The following ATP6V1C2 variants were observed in gnomAD, a reference collection of about 807,000 sequenced individuals.
The protein encoded by ATP6V1C2 is ATPase H+ transporting V1 subunit C2.
A neutral mutation model predicts 56.8 loss-of-function variants in ATP6V1C2; 45 were observed. The ratio of observed to expected loss-of-function variants is 0.79; its 90% confidence interval spans 0.62 to 1.02. The LOEUF (loss-of-function observed/expected upper bound fraction) is 1.02, where lower values mean the gene tolerates loss of function less well. ATP6V1C2 is among the 50% of genes least tolerant of loss of function. The probability of loss-of-function intolerance (pLI) is 0.00; values close to 1 mark genes in which losing one functional copy is unlikely to be tolerated. For synonymous variants in ATP6V1C2, 220 were observed against 201.3 expected, an observed-to-expected ratio of 1.09 and a Z score of -0.79; for missense variants, 463 against 519.7, an observed-to-expected ratio of 0.89 and a Z score of 1.06.
Position 10,782,327 on chromosome 2 carries a change from C to T in ATP6V1C2, c.1146C>T (p.Asn382=). The T allele has an allele frequency of 6.2e-7, 1 of 1,614,232 alleles. No individual in the cohort carries two copies. The highest frequency in any genetic ancestry group is 1.1e-5 in the South Asian group (1 of 91,090). Residue 382 remains asparagine (N), a synonymous_variant, in exon 13 of 14, where the codon AAC becomes AAT. Coordinates refer to ENST00000272238, the MANE Select transcript of ATP6V1C2 (RefSeq NM_001039362.2). ...CCAAGCGTTTAAGAGAGGTTCTAAA[C>T]TCTGTCTTCCGACATCTGGATGAAG... The part of the protein sequence containing the change: ...SSTKRLREVL[N]SVFRHLDEVA...
intron 6 of ATP6V1C2, among the ~76,000 whole-genome samples, chr2:10,769,299 A>G (rs1222416765): frequency 6.6e-6 from 1 of 152,236 alleles, no homozygotes; most frequent in African/African-American, 2.4e-5. Flanking sequence ...CTCCACAGAC[A>G]GAACAGTCAC....
chr2:10,727,283 T>A (rs928518136), intron 3 of ATP6V1C2, among the ~76,000 whole-genome samples: 16 of 151,604 alleles, frequency 1.1e-4, no homozygotes, highest in African/African-American at 3.9e-4. Flanking sequence ...TGTTCCAGGC[T>A]AGTTTCGAAG....
intron 4 of ATP6V1C2, among the ~76,000 whole-genome samples, chr2:10,762,463 T>A (rs1279853458): frequency 6.6e-6 from 1 of 152,126 alleles, no homozygotes; most frequent in African/African-American, 2.4e-5. Flanking sequence ...TTAAATGGAA[T>A]AATTCATGTG....
In ATP6V1C2 at chr2:10,772,600, C is replaced by G. The variant is rs376892735; in HGVS notation, c.628C>G (p.Arg210Gly). The G allele has an allele frequency of 1.2e-6, 2 of 1,613,896 alleles. No homozygotes were observed. Among genetic ancestry groups the G allele is most frequent in the East Asian group, 4.5e-5 (2 of 44,878 alleles). The change falls in exon 8 of 14, where the codon CGA becomes GGA. Residue 210 changes from arginine (R) to glycine (G), a missense_variant. By Grantham distance (125) the Arg-to-Gly change is moderately radical. Transcript: ENST00000272238. The stretch of plus-strand genomic sequence containing the variant: ...ATCTCTCTCAGACATGGTGGTCCCT[C>G]GATCAACCAAGTAAGTGAGACCCCA... ...YESLSDMVVP[R>G]STKLITEDKE... is the part of the protein sequence containing the mutation.
chr2:10,749,854 TA>T, intron 3 of ATP6V1C2, among the ~76,000 whole-genome samples: 1 of 152,294 alleles, frequency 6.6e-6, no homozygotes, highest in Non-Finnish European at 1.5e-5. Context: ...AAAGTGACAA[TA>T]ACTCAAATGT....
intron 3 of ATP6V1C2, among the ~76,000 whole-genome samples, chr2:10,743,993 A>AT (rs1381094310): frequency 1.2e-4 from 4 of 34,536 alleles, no homozygotes; most frequent in African/African-American, 2.1e-4. Context: ...AAAAAAAAAA[A>AT]AAAATAATAA....
chr2:10,730,836 A>G (rs1359340949), intron 3 of ATP6V1C2, among the ~76,000 whole-genome samples: 1 of 151,714 alleles, frequency 6.6e-6, no homozygotes, highest in African/African-American at 2.4e-5. Context: ...GTTTTTTAGT[A>G]GAGACGGGAT....
In ATP6V1C2 at chr2:10,764,070, T is replaced by C. The variant is rs115144120; in HGVS notation, c.284-261T>C. On this transcript the variant is annotated intron_variant, in intron 4 of 13. Coordinates refer to ENST00000272238, the MANE Select transcript of ATP6V1C2 (RefSeq NM_001039362.2). ...ACCACAGTCACACAGTCCAGTATTT[T>C]GCTAATGTGTAAAATGCCTTCTTTG... 1.5e-3 allele frequency among the ~76,000 whole-genome samples: 228 copies of C among 152,336 alleles called. 1 individual carries two copies. Among genetic ancestry groups the C allele is most frequent in the African/African-American group, 5.0e-3 (208 of 41,578 alleles).
At chr2:10,769,486 G>A (rs970966498) in intron 6 of ATP6V1C2, among the ~76,000 whole-genome samples, 8 of 152,030 alleles carry the variant, frequency 5.3e-5, no homozygotes, top group African/African-American at 1.2e-4. Flanking sequence ...GGCGGATTAC[G>A]TGAGGCCAAA....
rs1665524313 is a variant in ATP6V1C2, at chr2:10,783,491, A to G, written c.*228A>G. 1.6e-5 allele frequency: 7 copies of G among 443,922 alleles called. No homozygotes were observed. The highest frequency in any genetic ancestry group is 1.0e-4 in the South Asian group (4 of 38,832). The allele number at this position is 443,922 out of a possible 1,614,324, so 27.5% of individuals were successfully genotyped here. A position where few individuals can be genotyped will look rare whatever the true frequency, so the allele number is the denominator to read the frequency against. On this transcript the variant is annotated 3_prime_UTR_variant, in exon 14 of 14. Coordinates refer to ENST00000272238, the MANE Select transcript of ATP6V1C2 (RefSeq NM_001039362.2). ...AAACTTCATTTTCTGAATGTTTTAC[A>G]TAAATGCGAACTACCTGTTCGCATT...
At chr2:10,750,793 G>A (rs928750902) in intron 3 of ATP6V1C2, among the ~76,000 whole-genome samples, 1 of 152,208 alleles carries the variant, frequency 6.6e-6, no homozygotes, top group African/African-American at 2.4e-5. Flanking sequence ...ACTCCCACAG[G>A]TCGCTGTGAG....
In ATP6V1C2 at chr2:10,777,579, C is replaced by G; in HGVS notation, c.826-6C>G. On this transcript the variant is annotated splice_polypyrimidine_tract_variant and splice_region_variant and intron_variant, in intron 10 of 13. Coordinates refer to ENST00000272238, the MANE Select transcript of ATP6V1C2 (RefSeq NM_001039362.2). ...AAAGATTAATAAATCATTTCTGTGCCTTTAGCAAACTTCCTGTGTTGCTCT... is the reference window on the plus strand; with the variant it reads ...AAAGATTAATAAATCATTTCTGTGCGTTTAGCAAACTTCCTGTGTTGCTCT... 6.2e-7 allele frequency: 1 copy of G among 1,605,026 alleles called. No homozygotes were observed. Among genetic ancestry groups the G allele is most frequent in the Non-Finnish European group, 8.5e-7 (1 of 1,177,788 alleles).
chr2:10,776,644 C>T (rs3856466), intron 10 of ATP6V1C2, among the ~76,000 whole-genome samples: 21,709 of 152,258 alleles, frequency 0.14, 1,896 homozygotes, highest in Non-Finnish European at 0.2. Context: ...CAACCCCCTG[C>T]GCAGTATCTC....
chr2:10,744,826 G>A (rs746415049), intron 3 of ATP6V1C2, among the ~76,000 whole-genome samples: 18 of 149,294 alleles, frequency 1.2e-4, no homozygotes, highest in African/African-American at 3.5e-4. Context: ...GCGCCACCAC[G>A]CCCAGCTGAT....
intron 4 of ATP6V1C2, among the ~76,000 whole-genome samples, chr2:10,756,556 A>G (rs1663562979): frequency 6.6e-6 from 1 of 151,974 alleles, no homozygotes; most frequent in Admixed American, 6.6e-5. Flanking sequence ...TGTCTCTACT[A>G]AAAATACAAA....
intron 4 of ATP6V1C2, among the ~76,000 whole-genome samples, chr2:10,758,732 G>A (rs577467308): frequency 1.5e-4 from 22 of 150,522 alleles, no homozygotes; most frequent in African/African-American, 4.9e-4. Context: ...GTGGGATCTC[G>A]GCACACTGCA....
chr2:10,771,789 G>A (rs1435975197), intron 6 of ATP6V1C2, 50 bp from the exon 7 acceptor site: 1 of 1,452,576 alleles, frequency 6.9e-7, no homozygotes, highest in South Asian at 1.1e-5. Context: ...GGGTCACTGT[G>A]TCCCTTTCTG....
chr2:10,747,072 C>G (rs1662955485), intron 3 of ATP6V1C2, among the ~76,000 whole-genome samples: 1 of 152,138 alleles, frequency 6.6e-6, no homozygotes, highest in South Asian at 2.1e-4. Flanking sequence ...AGTTCCAGAC[C>G]AGCCTGACCA....
upstream of ATP6V1C2, chr2:10,721,511 G>A (rs932656815): frequency 6.6e-6 from 1 of 152,254 alleles, no homozygotes; most frequent in African/African-American, 2.4e-5. Flanking sequence ...CCTGCTCCCC[G>A]GCTCTCGGGC....
Sources: gnomAD v4.1 joint callset for allele counts (sites outside exome capture counted in the v4.1 genomes callset) on GRCh38, gnomAD v4.1.1 for gene constraint, MANE v1.5 for transcripts, NCBI Gene and HGNC (gene_info 2026-07-23, HGNC 2026-07-21) for gene names.